Variants in KIAA0825 observed in about 807,000 individuals in gnomAD.
The protein encoded by KIAA0825 is uncharacterized protein KIAA0825.
Under a neutral mutation model 147.6 loss-of-function variants are expected in KIAA0825, and 119 were observed. That is an observed-to-expected ratio of 0.81 (90% confidence interval 0.69 to 0.94). The LOEUF is 0.94. KIAA0825 is among the 40% of genes least tolerant of loss of function. The probability of loss-of-function intolerance (pLI) is 0.00; values close to 1 mark genes in which losing one functional copy is unlikely to be tolerated. For missense variants in KIAA0825, 1,381 were observed against 1,472.7 expected (o/e 0.94, Z 1.02); for synonymous variants, 470 against 518.1 (o/e 0.91, Z 1.26).
chr5:94,483,093 AC>A (rs1762664531), intron 6 of KIAA0825, among the ~76,000 whole-genome samples: 1 of 151,978 alleles, frequency 6.6e-6, no homozygotes. Flanking sequence ...GAATTGAATC[AC>A]CTTTTTCAAA....
At chr5:94,560,852 GCA>G (rs1195128037) in intron 2 of KIAA0825, among the ~76,000 whole-genome samples, 1 of 152,116 alleles carries the variant, frequency 6.6e-6, no homozygotes, top group African/African-American at 2.4e-5. Flanking sequence ...TACGCACACA[GCA>G]CACACACACG....
chr5:94,471,456 C>A lies in KIAA0825; in HGVS notation c.1721+10G>T. ...AGCGTGGCCATCATCTTAATTTAAA[C>A]AACACTCACTTTTTAGTCATTTCCT... On this transcript the variant is annotated intron_variant, in intron 9 of 20. Coordinates refer to ENST00000682413, the MANE Select transcript of KIAA0825 (RefSeq NM_001145678.3). 1 of 1,550,504 alleles carries A rather than the reference C, an allele frequency of 6.4e-7. No individual in the cohort carries two copies. Among genetic ancestry groups the A allele is most frequent in the East Asian group, 2.4e-5 (1 of 40,896 alleles).
intron 20 of KIAA0825, among the ~76,000 whole-genome samples, chr5:94,205,283 A>ATG (rs1646805507): frequency 7.1e-6 from 1 of 140,062 alleles, no homozygotes; most frequent in Non-Finnish European, 1.5e-5. Flanking sequence ...ATATATATAT[A>ATG]TATATATATA....
intron 2 of KIAA0825, among the ~76,000 whole-genome samples, chr5:94,561,763 T>A (rs1777597477): frequency 6.6e-6 from 1 of 152,358 alleles, no homozygotes; most frequent in East Asian, 1.9e-4. Context: ...TAATTATATT[T>A]TTCTACTATA....
At chr5:94,290,341 G>A (rs1777834770) in intron 20 of KIAA0825, among the ~76,000 whole-genome samples, 2 of 152,022 alleles carry the variant, frequency 1.3e-5, no homozygotes, top group Non-Finnish European at 1.5e-5. Flanking sequence ...GTGTCCATGT[G>A]TTCTCATTGT....
At chr5:94,435,532 T>C (rs1004449364) in intron 14 of KIAA0825, among the ~76,000 whole-genome samples, 2 of 152,132 alleles carry the variant, frequency 1.3e-5, no homozygotes, top group Non-Finnish European at 2.9e-5. Flanking sequence ...TTGATGGGCA[T>C]TTAGCTTGAT....
chr5:94,611,800 T>A (rs1049851288), intron 1 of KIAA0825: 4 of 151,482 alleles, frequency 2.6e-5, no homozygotes, highest in African/African-American at 9.7e-5. Flanking sequence ...TTAAAAAATT[T>A]TTTTACATAG....
chr5:94,565,390 T>C (rs1006403345), intron 2 of KIAA0825, among the ~76,000 whole-genome samples: 1 of 150,810 alleles, frequency 6.6e-6, no homozygotes, highest in Non-Finnish European at 1.5e-5. Context: ...TTGCCCAGGC[T>C]GGGTGCAGTG....
intron 2 of KIAA0825, among the ~76,000 whole-genome samples, chr5:94,539,672 C>T (rs1272323217): frequency 1.3e-5 from 2 of 152,104 alleles, no homozygotes; most frequent in Non-Finnish European, 2.9e-5. Context: ...AGAGGCTCAA[C>T]TTAGGGGAGT....
chr5:94,445,833 C>G (rs1033528681), intron 13 of KIAA0825, among the ~76,000 whole-genome samples: 1 of 152,188 alleles, frequency 6.6e-6, no homozygotes, highest in Admixed American at 6.5e-5. Context: ...TCTTTTCATA[C>G]TGCTTGTCCA....
At chr5:94,565,043 C>T (rs1259438488) in intron 2 of KIAA0825, among the ~76,000 whole-genome samples, 1 of 136,702 alleles carries the variant, frequency 7.3e-6, no homozygotes, top group African/African-American at 2.8e-5. Context: ...TTTCCTCTCT[C>T]TCTCTCTCTC....
intron 20 of KIAA0825, among the ~76,000 whole-genome samples, chr5:94,359,600 A>C (rs562992344): frequency 6.6e-6 from 1 of 152,308 alleles, no homozygotes. Context: ...TCTTAAAAAA[A>C]TAAAAATAAA....
chr5:94,610,762 T>C (rs1387766021), intron 1 of KIAA0825, among the ~76,000 whole-genome samples: 2 of 68,552 alleles, frequency 2.9e-5, no homozygotes, highest in Non-Finnish European at 5.2e-5. Context: ...AGACTCTATC[T>C]GCAAAAAAAA....
In KIAA0825 at chr5:94,419,458, G is replaced by A. The variant is rs577367709; in HGVS notation, c.2498-2093C>T. On this transcript the variant is annotated intron_variant, in intron 14 of 20. Coordinates refer to ENST00000682413, the MANE Select transcript of KIAA0825 (RefSeq NM_001145678.3). ...TCCTTATCCTGATTGAGGATCAAGA[G>A]TTCCACAATCTTTTCCCAAATTATG... 2.0e-3 allele frequency among the ~76,000 whole-genome samples: 302 copies of A among 152,180 alleles called. 1 individual carries two copies. The highest frequency in any genetic ancestry group is 6.8e-3 in the Middle Eastern group (2 of 294).
At chr5:94,513,707 T>C (rs1235355898) in intron 5 of KIAA0825, among the ~76,000 whole-genome samples, 2 of 152,050 alleles carry the variant, frequency 1.3e-5, no homozygotes, top group Admixed American at 1.3e-4. Context: ...TACACATACA[T>C]ATACTACCAC....
At chr5:94,244,035 C>G (rs999476495) in intron 20 of KIAA0825, among the ~76,000 whole-genome samples, 1 of 152,122 alleles carries the variant, frequency 6.6e-6, no homozygotes, top group African/African-American at 2.4e-5. Flanking sequence ...TCATGGTGAC[C>G]ATGCCACTTG....
At chr5:94,357,281 C>G (rs1275968890) in intron 20 of KIAA0825, among the ~76,000 whole-genome samples, 2 of 152,000 alleles carry the variant, frequency 1.3e-5, no homozygotes. Context: ...AAAACTTTGA[C>G]AGAGGTAAAT....
chr5:94,434,341 T>A (rs1445511328), intron 14 of KIAA0825, among the ~76,000 whole-genome samples: 1 of 152,228 alleles, frequency 6.6e-6, no homozygotes, highest in African/African-American at 2.4e-5. Flanking sequence ...AAATTATAAA[T>A]CCTTACCATT....
chr5:94,200,582 T>C (rs1355192470), intron 20 of KIAA0825, among the ~76,000 whole-genome samples: 6 of 151,340 alleles, frequency 4.0e-5, no homozygotes, highest in Admixed American at 2.0e-4. Context: ...AAATAGGAAA[T>C]ATTTGAGGGA....
Sources: gnomAD v4.1 joint callset for allele counts (sites outside exome capture counted in the v4.1 genomes callset) on GRCh38, gnomAD v4.1.1 for gene constraint, MANE v1.5 for transcripts, NCBI Gene and HGNC (gene_info 2026-07-23, HGNC 2026-07-21) for gene names.